KCNK4: variants seen among roughly 807,000 people sequenced by gnomAD.
KCNK4 encodes potassium two pore domain channel subfamily K member 4.
Under a neutral mutation model 28.8 loss-of-function variants are expected in KCNK4, and 22 were observed. That is an observed-to-expected ratio of 0.76 (90% CI 0.55 to 1.09). The LOEUF (loss-of-function observed/expected upper bound fraction) is 1.09, where lower values mean the gene tolerates loss of function less well. Ranked by LOEUF, KCNK4 falls within the 50% of genes least tolerant of loss-of-function variation. The pLI, the probability that KCNK4 is intolerant of heterozygous loss-of-function variation, is 0.00. For missense variants in KCNK4, 483 were observed against 546.3 expected (o/e 0.88, Z 1.15); for synonymous variants, 263 against 252.9 (o/e 1.04, Z -0.38).
At position 64,298,111 on chromosome 11, in the gene KCNK4, C is replaced by T. The variant is rs748147206; in HGVS notation, c.663C>T (p.Gly221=). The change falls in exon 6 of 7, where the codon GGC becomes GGT. Residue 221 remains glycine, a splice_region_variant and synonymous_variant. Coordinates refer to ENST00000422670, the MANE Select transcript of KCNK4 (RefSeq NM_033310.3). ...CTACCTTCCCTGGTGGTATCCCAGG[C>T]GCGGACCCCAGGCAGGACTCCCCGG... ...TTVGFGDYVA[G]ADPRQDSPAY... 1.4e-5 allele frequency: 22 copies of T among 1,613,166 alleles called. No individual in the cohort carries two copies. The highest frequency in any genetic ancestry group is 1.6e-4 in the Middle Eastern group (1 of 6,082).
chr11:64,291,991 T>TG, intron 1 of KCNK4: 1 of 1,160,212 alleles, frequency 8.6e-7, no homozygotes, highest in Non-Finnish European at 1.1e-6. Flanking sequence ...CGCTGCGCGG[T>TG]GGCCCTGCTG....
rs2034680202 is a variant in KCNK4, at chr11:64,293,120, G to A, written c.102G>A (p.Gln34=). 6.5e-7 allele frequency: 1 copy of A among 1,546,230 alleles called. No individual in the cohort carries two copies. The highest frequency in any genetic ancestry group is 8.7e-7 in the Non-Finnish European group (1 of 1,144,674). Residue 34 remains glutamine, a synonymous_variant, in exon 2 of 7, where the codon CAG becomes CAA. Transcript: ENST00000422670. ...FRALEQPHEQ[Q]AQRELGEVRE... ...CCCTGGAGCAGCCCCACGAGCAGCA[G>A]GCCCAGAGGGAGCTGGGGGAGGTCC... is the stretch of plus-strand genomic sequence containing the variant.
intron 4 of KCNK4, 37 bp from the exon 5 acceptor site, chr11:64,297,430 G>T (rs373428847): frequency 8.6e-5 from 139 of 1,608,596 alleles, no homozygotes; most frequent in Non-Finnish European, 1.1e-4. Flanking sequence ...GGGATTGTTG[G>T]TGTCTCCTGG....
In KCNK4 at chr11:64,299,905, C is replaced by T. The variant is rs926266521; in HGVS notation, c.*179C>T. The T allele has an allele frequency of 1.2e-5, 15 of 1,213,372 alleles. No individual in the cohort carries two copies. Among genetic ancestry groups the T allele is most frequent in the African/African-American group, 7.6e-5 (5 of 65,834 alleles). The allele number at this position is 1,213,372 out of a possible 1,614,324, so 75.2% of individuals were successfully genotyped here. ...CCCTCACTTCCATCCATCTCTAGAC[C>T]CCCCCAAGGCTTTCTGTGTCGCTGC... On this transcript the variant is annotated 3_prime_UTR_variant, in exon 7 of 7. Coordinates refer to ENST00000422670, the MANE Select transcript of KCNK4 (RefSeq NM_033310.3).
At chr11:64,294,232 T>C (rs1256198522) in intron 2 of KCNK4, among the ~76,000 whole-genome samples, 1 of 151,950 alleles carries the variant, frequency 6.6e-6, no homozygotes, top group African/African-American at 2.4e-5. Flanking sequence ...CTCAAGAAAG[T>C]GTTGGCCGGG....
Position 64,297,504 on chromosome 11 carries a change from C to G in KCNK4, c.512C>G (p.Ser171Trp), listed in dbSNP as rs750470775. 1 of 1,614,138 alleles carries G rather than the reference C, an allele frequency of 6.2e-7. No homozygotes were observed. Among genetic ancestry groups the G allele is most frequent in the Non-Finnish European group, 8.5e-7 (1 of 1,180,014 alleles). ...CCACCGGAGCTAGTAAGAGTGCTGT[C>G]GGCGATGCTTTTCCTGCTGATCGGC... ...HVPPELVRVL[S>W]AMLFLLIGCL... The change falls in exon 5 of 7, where the codon TCG becomes TGG. Residue 171 changes from serine (S) to tryptophan (W), a missense_variant. Ser to Trp is a radical substitution (Grantham distance 177). Coordinates refer to ENST00000422670, the MANE Select transcript of KCNK4 (RefSeq NM_033310.3).
intron 1 of KCNK4, chr11:64,292,065 G>C: frequency 8.9e-7 from 1 of 1,127,294 alleles, no homozygotes; most frequent in Non-Finnish European, 1.1e-6. Context: ...TGGCGCGGCC[G>C]GCACGCCCAT....
chr11:64,292,781 G>A (rs1037408248), intron 1 of KCNK4, 161 bp from the exon 2 acceptor site: 9 of 704,588 alleles, frequency 1.3e-5, no homozygotes, highest in African/African-American at 9.3e-5. Flanking sequence ...GTAAGGGGAA[G>A]GCTGGAGATA....
intron 5 of KCNK4, 97 bp downstream of exon 5, chr11:64,297,750 C>T: frequency 7.8e-7 from 1 of 1,285,690 alleles, no homozygotes; most frequent in African/African-American, 1.5e-5. Context: ...CATGTGGTTG[C>T]TCTAACCCCT....
At chr11:64,291,626 GGA>G (rs1412667901) in intron 1 of KCNK4, 60 bp downstream of exon 1, 1 of 151,972 alleles carries the variant, frequency 6.6e-6, no homozygotes, top group Non-Finnish European at 1.5e-5. Context: ...GCGCGGCGCC[GGA>G]GGGGTTAACC....
chr11:64,298,099 T>G lies in KCNK4; in HGVS notation c.662-11T>G. On this transcript the variant is annotated splice_polypyrimidine_tract_variant and intron_variant, in intron 5 of 6. Transcript: ENST00000422670. The stretch of plus-strand genomic sequence containing the variant: ...ATCCAATTCTTTCTACCTTCCCTGG[T>G]GGTATCCCAGGCGCGGACCCCAGGC... 1 of 1,612,456 alleles carries G rather than the reference T, an allele frequency of 6.2e-7. No homozygotes were observed. Among genetic ancestry groups the G allele is most frequent in the Admixed American group, 1.7e-5 (1 of 59,868 alleles).
At chr11:64,294,515 CAAAAAAAAAAA>C (rs771542870) in intron 2 of KCNK4, among the ~76,000 whole-genome samples, 1 of 92,538 alleles carries the variant, frequency 1.1e-5, no homozygotes, top group Admixed American at 1.3e-4. Context: ...TGATCGGTCT[CAAAAAAAAAAA>C]AAAAAAAAAA....
intron 1 of KCNK4, chr11:64,291,961 C>A: frequency 2.0e-6 from 2 of 993,030 alleles, no homozygotes. Flanking sequence ...GCGGGGGAGG[C>A]GGTGGGAGCG....
In KCNK4 at chr11:64,299,870, C is replaced by A; in HGVS notation, c.*144C>A. The A allele has an allele frequency of 6.8e-7, 1 of 1,466,678 alleles. No homozygotes were observed. Among genetic ancestry groups the A allele is most frequent in the Non-Finnish European group, 9.2e-7 (1 of 1,087,290 alleles). The allele number at this position is 1,466,678 out of a possible 1,614,324, so 90.9% of individuals were successfully genotyped here. Reference sequence around the variant, plus strand: ...GTTGCCTCTCCGCCTCCTCCCTGGCCCCGGCCCTTCCCTCACTTCCATCCA... The same window carrying A: ...GTTGCCTCTCCGCCTCCTCCCTGGCACCGGCCCTTCCCTCACTTCCATCCA... On this transcript the variant is annotated 3_prime_UTR_variant, in exon 7 of 7. Coordinates refer to ENST00000422670, the MANE Select transcript of KCNK4 (RefSeq NM_033310.3).
At chr11:64,295,851 G>A (rs2034752464) in intron 2 of KCNK4, among the ~76,000 whole-genome samples, 1 of 152,164 alleles carries the variant, frequency 6.6e-6, no homozygotes, top group Non-Finnish European at 1.5e-5. Flanking sequence ...GCGAAGAGGT[G>A]CTTTATGATA....
chr11:64,293,318 C>T (rs2034687053), intron 2 of KCNK4, 111 bp downstream of exon 2: 10 of 1,203,882 alleles, frequency 8.3e-6, no homozygotes, highest in Middle Eastern at 4.5e-4. Flanking sequence ...TCCCTGAGGA[C>T]GGGTGCAGTG....
chr11:64,294,474 C>A (rs1253500105), intron 2 of KCNK4, among the ~76,000 whole-genome samples: 1 of 140,452 alleles, frequency 7.1e-6, no homozygotes, highest in African/African-American at 2.6e-5. Context: ...GCCAAGATCA[C>A]ACCACTGCAC....
In KCNK4 at chr11:64,292,038, G is replaced by C. The variant is rs779693430; in HGVS notation, c.-78+472G>C. On this transcript the variant is annotated intron_variant, in intron 1 of 6. Coordinates refer to ENST00000422670, the MANE Select transcript of KCNK4 (RefSeq NM_033310.3). Reference sequence around the variant, plus strand: ...CACGCTAGTGTCCACACACGTGTGCGTGGGCTCTGGGTGCCCTGGCGCGGC... The same window carrying C: ...CACGCTAGTGTCCACACACGTGTGCCTGGGCTCTGGGTGCCCTGGCGCGGC... 28 of 1,152,502 alleles carry C rather than the reference G, an allele frequency of 2.4e-5. No homozygotes were observed. In the South Asian group the frequency reaches 4.5e-4, roughly 19 times the overall value. 71.4% of individuals were successfully genotyped at this position (1,152,502 alleles called of 1,614,324 possible).
intron 2 of KCNK4, among the ~76,000 whole-genome samples, chr11:64,295,112 A>G (rs1269697801): frequency 1.3e-5 from 2 of 152,180 alleles, no homozygotes; most frequent in African/African-American, 2.4e-5. Flanking sequence ...GTTATATGCC[A>G]AGGGGATATT....
Sources: allele counts gnomAD v4.1 joint callset (sites outside exome capture counted in the v4.1 genomes callset), GRCh38; gene constraint gnomAD v4.1.1; transcripts MANE v1.5; gene names NCBI Gene and HGNC (gene_info 2026-07-23, HGNC 2026-07-21).